The following COL5A2 variants were observed in gnomAD, a reference collection of about 807,000 sequenced individuals.
COL5A2 encodes the protein collagen type V alpha 2 chain, also known as collagen alpha-2(V) chain.
COL5A2 carries 23 observed loss-of-function variants against 208.2 expected under a neutral mutation model. That is an observed-to-expected ratio of 0.11 (90% CI 0.08 to 0.16). COL5A2 has a LOEUF of 0.16. Ranked by LOEUF, COL5A2 falls within the 10% of genes least tolerant of loss-of-function variation. COL5A2 has a pLI of 1.00. For missense variants in COL5A2, 1,590 were observed against 1,956.4 expected (o/e 0.81, Z 3.53); for synonymous variants, 625 against 628.5 (o/e 0.99, Z 0.08).
At chr2:189,350,881 T>C in the COL5A2 span, among the ~76,000 whole-genome samples, 1 of 152,192 alleles carries the variant, frequency 6.6e-6, no homozygotes, top group Non-Finnish European at 1.5e-5. Context: ...ATGTTTCTAA[T>C]TTCTCTACCT....
the COL5A2 span, among the ~76,000 whole-genome samples, chr2:189,239,666 GC>G: frequency 1.3e-5 from 2 of 150,922 alleles, no homozygotes; most frequent in African/African-American, 4.9e-5. Context: ...TATACCTAAT[GC>G]TAAATGACGA....
the COL5A2 span, among the ~76,000 whole-genome samples, chr2:189,234,971 A>G: frequency 6.6e-6 from 1 of 151,756 alleles, no homozygotes; most frequent in Non-Finnish European, 1.5e-5. Flanking sequence ...AATAGGTTCA[A>G]TAATATACAT....
At chr2:189,183,982 G>T (rs180685151), upstream of COL5A2, among the ~76,000 whole-genome samples, 413 of 152,164 alleles carry the variant, frequency 2.7e-3, 1 homozygote, top group Non-Finnish European at 2.8e-3. Flanking sequence ...TTTATTGAGG[G>T]TCTATTATTT....
intron 1 of COL5A2, among the ~76,000 whole-genome samples, chr2:189,206,229 G>A (rs952776382): frequency 7.2e-5 from 11 of 152,136 alleles, no homozygotes; most frequent in Non-Finnish European, 1.0e-4. Context: ...TAAACAAATG[G>A]CAAGAGCAAG....
intron 5 of COL5A2, among the ~76,000 whole-genome samples, chr2:189,098,048 A>T (rs2105685337): frequency 6.9e-6 from 1 of 145,252 alleles, no homozygotes; most frequent in East Asian, 2.0e-4. Flanking sequence ...CCCCCTGGGA[A>T]ATGGCTGTTG....
In COL5A2 at chr2:189,075,433, T is replaced by C; in HGVS notation, c.1064A>G (p.Gln355Arg). The C allele has an allele frequency of 6.2e-7, 1 of 1,606,096 alleles. No individual in the cohort carries two copies. Among genetic ancestry groups the C allele is most frequent in the South Asian group, 1.1e-5 (1 of 90,820 alleles). The stretch of plus-strand genomic sequence containing the variant: ...TCCAGGCATACCATGTGCACCTCGT[T>C]GTCCCTAATTAAGAGAAAAAGAGAC... The part of the protein sequence containing the change: ...GRLGPQGAPG[Q>R]RGAHGMPGKP... The change falls in exon 17 of 54, where the codon CAA becomes CGA. Residue 355 changes from glutamine (Q) to arginine (R), a missense_variant. Physicochemically the swap from Gln to Arg is conservative, Grantham distance 43. Transcript: ENST00000374866.
chr2:189,255,107 A>G, the COL5A2 span, among the ~76,000 whole-genome samples: 1 of 152,202 alleles, frequency 6.6e-6, no homozygotes. Flanking sequence ...ATTCTTTTCC[A>G]TGTATTAGAA....
At chr2:189,307,494 T>G in the COL5A2 span, among the ~76,000 whole-genome samples, 3 of 152,110 alleles carry the variant, frequency 2.0e-5, no homozygotes, top group Non-Finnish European at 4.4e-5. Context: ...CACTGCACAT[T>G]TTTAAATGTG....
intron 1 of COL5A2, among the ~76,000 whole-genome samples, chr2:189,202,128 C>A (rs947806165): frequency 2.6e-5 from 4 of 151,086 alleles, no homozygotes; most frequent in Non-Finnish European, 4.4e-5. Context: ...GTTAAAATAC[C>A]TAGGATAATA....
At chr2:189,051,268 A>G in intron 42 of COL5A2, 52 bp downstream of exon 42, 1 of 1,611,786 alleles carries the variant, frequency 6.2e-7, no homozygotes, top group South Asian at 1.1e-5. Flanking sequence ...ATGGGTTTCT[A>G]TTTGTAAATA....
chr2:189,362,719 T>C, the COL5A2 span, among the ~76,000 whole-genome samples: 8 of 152,148 alleles, frequency 5.3e-5, no homozygotes, highest in Non-Finnish European at 8.8e-5. Context: ...GCAAGTCTAG[T>C]TTCTGCTTAG....
chr2:189,088,548 A>G lies in COL5A2; in HGVS notation c.645+147T>C, dbSNP rs530116254. On this transcript the variant is annotated intron_variant, in intron 8 of 53. Transcript: ENST00000374866. ...TTTTAACTGGCATACAGTAGAGTAA[A>G]TAAGTTAATTAAATGAATGAATGAA... 27 of 654,278 alleles carry G rather than the reference A, an allele frequency of 4.1e-5. No homozygotes were observed. In the African/African-American group the frequency reaches 5.6e-4, roughly 14 times the overall value. 40.5% of individuals were successfully genotyped at this position (654,278 alleles called of 1,614,324 possible).
the COL5A2 span, among the ~76,000 whole-genome samples, chr2:189,398,732 G>GTCAT: frequency 6.6e-6 from 1 of 152,042 alleles, no homozygotes; most frequent in Non-Finnish European, 1.5e-5. Context: ...TTTAATTGGT[G>GTCAT]TCATTCATCT....
At chr2:189,063,905 C>G in intron 26 of COL5A2, 75 bp downstream of exon 26, 2 of 1,186,328 alleles carry the variant, frequency 1.7e-6, no homozygotes, top group Non-Finnish European at 1.2e-6. Context: ...AAACATTAAC[C>G]TAAATAAATA....
chr2:189,343,107 A>G, the COL5A2 span, among the ~76,000 whole-genome samples: 89 of 152,218 alleles, frequency 5.8e-4, no homozygotes, highest in African/African-American at 1.8e-3. Context: ...GAAAAACTAC[A>G]TATGACTTAC....
At chr2:189,244,108 T>G in the COL5A2 span, among the ~76,000 whole-genome samples, 1 of 152,328 alleles carries the variant, frequency 6.6e-6, no homozygotes, top group South Asian at 2.1e-4. Flanking sequence ...TGGGAGGGGC[T>G]GCCACAAAAG....
At chr2:189,260,296 C>G in the COL5A2 span, among the ~76,000 whole-genome samples, 1 of 152,148 alleles carries the variant, frequency 6.6e-6, no homozygotes, top group African/African-American at 2.4e-5. Context: ...GAGATAATGT[C>G]TTTTTAAGAT....
the COL5A2 span, among the ~76,000 whole-genome samples, chr2:189,363,005 C>A: frequency 1.3e-4 from 19 of 151,722 alleles, no homozygotes; most frequent in Non-Finnish European, 2.7e-4. Context: ...TATAAAATTA[C>A]AAGTTGACAC....
At chr2:189,239,899 G>C in the COL5A2 span, among the ~76,000 whole-genome samples, 1 of 152,034 alleles carries the variant, frequency 6.6e-6, no homozygotes, top group South Asian at 2.1e-4. Context: ...AAGGAACAAA[G>C]CCTGCTCATA....
Sources: gnomAD v4.1 joint callset for allele counts (sites outside exome capture counted in the v4.1 genomes callset) on GRCh38, gnomAD v4.1.1 for gene constraint, MANE v1.5 for transcripts, NCBI Gene and HGNC (gene_info 2026-07-23, HGNC 2026-07-21) for gene names.